CD200R1: variants seen among roughly 807,000 people sequenced by gnomAD.
CD200R1 encodes the protein CD200 receptor 1.
CD200R1 carries 30 observed loss-of-function variants against 38.1 expected under a neutral mutation model. The ratio of observed to expected loss-of-function variants is 0.79; its 90% CI spans 0.59 to 1.07. The LOEUF is 1.07. CD200R1 is among the 50% of genes least tolerant of loss of function. The probability of loss-of-function intolerance (pLI) is 0.00; values close to 1 mark genes in which losing one functional copy is unlikely to be tolerated. For synonymous variants in CD200R1, 128 were observed against 152.1 expected, an observed-to-expected ratio of 0.84 and a Z score of 1.16; for missense variants, 372 against 415.4, an observed-to-expected ratio of 0.90 and a Z score of 0.91.
chr3:112,954,688 T>C (rs547237256), intron 1 of CD200R1, among the ~76,000 whole-genome samples: 11 of 152,166 alleles, frequency 7.2e-5, no homozygotes, highest in Non-Finnish European at 1.5e-4. Context: ...GCTAAACATA[T>C]GGAGGTTACT....
intron 2 of CD200R1, among the ~76,000 whole-genome samples, chr3:112,944,942 T>A (rs926477596): frequency 6.6e-6 from 1 of 152,142 alleles, no homozygotes; most frequent in Admixed American, 6.5e-5. Flanking sequence ...CAAGTGGAAT[T>A]TGAAGTTAAA....
intron 2 of CD200R1, among the ~76,000 whole-genome samples, chr3:112,940,319 T>C (rs533193381): frequency 6.6e-6 from 1 of 151,810 alleles, no homozygotes; most frequent in Non-Finnish European, 1.5e-5. Context: ...AATAAACACA[T>C]GGGATTATAT....
In CD200R1 at chr3:112,923,785, G is replaced by A. The variant is rs1359867885; in HGVS notation, c.939C>T (p.Pro313=). The A allele has an allele frequency of 6.3e-7, 1 of 1,589,390 alleles. No homozygotes were observed. The highest frequency in any genetic ancestry group is 2.3e-5 in the East Asian group (1 of 43,888). The stretch of plus-strand genomic sequence containing the variant: ...TGTTCTTCTCTGTGTAGCTGGCATA[G>A]GGCTGCATTTCATCCTAAGAAAGAA... ...TPVVEEDEMQ[P]YASYTEKNNP... is the part of the protein sequence containing the mutation. The change falls in exon 8 of 8, where the codon CCC becomes CCT. Residue 313 remains proline (P), a synonymous_variant. Coordinates refer to ENST00000308611, the MANE Select transcript of CD200R1 (RefSeq NM_138806.4).
intron 2 of CD200R1, among the ~76,000 whole-genome samples, chr3:112,945,202 T>C (rs1213253259): frequency 6.6e-6 from 1 of 152,210 alleles, no homozygotes; most frequent in Non-Finnish European, 1.5e-5. Flanking sequence ...CAAGTTATTT[T>C]ATGGACATAA....
At chr3:112,944,669 G>A in intron 2 of CD200R1, among the ~76,000 whole-genome samples, 1 of 151,984 alleles carries the variant, frequency 6.6e-6, no homozygotes, top group South Asian at 2.1e-4. Flanking sequence ...ATAAATAAAA[G>A]GGATCAAGAT....
intron 3 of CD200R1, among the ~76,000 whole-genome samples, chr3:112,930,563 T>G (rs1940405069): frequency 6.6e-6 from 1 of 152,232 alleles, no homozygotes; most frequent in Non-Finnish European, 1.5e-5. Context: ...AGTGACTTGG[T>G]AAGGGTTTAC....
chr3:112,961,048 T>A (rs532821179), intron 1 of CD200R1, among the ~76,000 whole-genome samples: 48 of 152,100 alleles, frequency 3.2e-4, no homozygotes, highest in Non-Finnish European at 4.9e-4. Context: ...AAATTAGATG[T>A]TCAGCAAAAA....
intron 2 of CD200R1, among the ~76,000 whole-genome samples, chr3:112,935,483 G>A (rs1940553835): frequency 6.6e-6 from 1 of 152,118 alleles, no homozygotes; most frequent in African/African-American, 2.4e-5. Context: ...GTTCCTGAAT[G>A]ACAAATGAGT....
intron 2 of CD200R1, among the ~76,000 whole-genome samples, chr3:112,945,698 T>C (rs1940832928): frequency 6.6e-6 from 1 of 152,052 alleles, no homozygotes; most frequent in Admixed American, 6.6e-5. Context: ...AAATAAAGAA[T>C]CTATAAACTG....
intron 2 of CD200R1, among the ~76,000 whole-genome samples, chr3:112,935,603 T>C (rs1487857191): frequency 1.3e-5 from 2 of 152,046 alleles, no homozygotes; most frequent in East Asian, 1.9e-4. Context: ...GGCAAATCCA[T>C]AGCAATAAAT....
chr3:112,943,809 T>C (rs546136088), intron 2 of CD200R1, among the ~76,000 whole-genome samples: 98 of 151,738 alleles, frequency 6.5e-4, no homozygotes, highest in Non-Finnish European at 1.1e-3. Context: ...AAAATGATAA[T>C]AACAGAATAC....
chr3:112,942,069 C>A (rs927128565), intron 2 of CD200R1, among the ~76,000 whole-genome samples: 2 of 151,576 alleles, frequency 1.3e-5, no homozygotes, highest in African/African-American at 4.8e-5. Context: ...GTAGGCCTGC[C>A]TTCCAAAAAA....
intron 1 of CD200R1, among the ~76,000 whole-genome samples, chr3:112,950,848 T>TA (rs751068929): frequency 7.9e-5 from 12 of 152,172 alleles, no homozygotes; most frequent in Non-Finnish European, 1.6e-4. Context: ...ATGAAGAAAT[T>TA]AAAGTTTTCA....
Position 112,974,798 on chromosome 3 carries a change from T to C in CD200R1, c.60A>G (p.Leu20=). The part of the protein sequence containing the change: ...LGLLLILTIF[L]VAEAEGAAQP... ...AAGAGAATTCAAACTTACCGGCCAC[T>C]AAGAAGATAGTCAAAATCAACAGTA... Residue 20 remains leucine (L), a synonymous_variant, in exon 1 of 8, where the codon TTA becomes TTG. Transcript: ENST00000308611. 1.2e-6 allele frequency: 2 copies of C among 1,609,044 alleles called. No individual in the cohort carries two copies. The highest frequency in any genetic ancestry group is 2.2e-5 in the South Asian group (2 of 90,956).
chr3:112,962,007 C>CA (rs1446883723), intron 1 of CD200R1, among the ~76,000 whole-genome samples: 1 of 151,982 alleles, frequency 6.6e-6, no homozygotes, highest in African/African-American at 2.4e-5. Context: ...AGTTTCAAAA[C>CA]AACAATTCAA....
intron 1 of CD200R1, among the ~76,000 whole-genome samples, chr3:112,956,956 G>A (rs73853996): frequency 0.078 from 11,840 of 152,188 alleles, 762 homozygotes; most frequent in African/African-American, 0.16. Context: ...TTCCCACCTC[G>A]TGCTGGGGTG....
In CD200R1 at chr3:112,921,543, T is replaced by C. The variant is rs1286693256; in HGVS notation, c.*2134A>G. 2 of 151,938 alleles carry C rather than the reference T, an allele frequency of 1.3e-5. No individual in the cohort carries two copies. The highest frequency in any genetic ancestry group is 4.8e-5 in the African/African-American group (2 of 41,384). 9.4% of individuals were successfully genotyped at this position (151,938 alleles called of 1,614,324 possible). A position where few individuals can be genotyped will look rare whatever the true frequency, so the allele number is the denominator to read the frequency against. On this transcript the variant is annotated 3_prime_UTR_variant, in exon 8 of 8. Transcript: ENST00000308611. ...GGGAGAAAGCACAGTAAATGAGACA[T>C]ATAAAATGTTATTTGTAAAATGTAA...
intron 1 of CD200R1, among the ~76,000 whole-genome samples, chr3:112,965,746 T>C (rs1174967972): frequency 1.3e-5 from 2 of 150,692 alleles, no homozygotes; most frequent in Admixed American, 1.3e-4. Flanking sequence ...GGCGACAGAG[T>C]GAGACTCCAT....
intron 1 of CD200R1, among the ~76,000 whole-genome samples, chr3:112,964,009 G>T (rs368696664): frequency 4.7e-4 from 72 of 152,308 alleles, no homozygotes; most frequent in African/African-American, 1.6e-3. Flanking sequence ...GGCTTCAGAG[G>T]GTGCAAGCCT....
Sources: allele counts gnomAD v4.1 joint callset (sites outside exome capture counted in the v4.1 genomes callset), GRCh38; gene constraint gnomAD v4.1.1; transcripts MANE v1.5; gene names NCBI Gene and HGNC (gene_info 2026-07-23, HGNC 2026-07-21).